Variants in NPEPPS observed in about 807,000 individuals in gnomAD.
NPEPPS encodes puromycin-sensitive aminopeptidase.
A neutral mutation model predicts 115.5 loss-of-function variants in NPEPPS; 14 were observed. The observed-to-expected ratio is 0.12, with a 90% CI of 0.08 to 0.19. NPEPPS has a LOEUF of 0.19. Among genes scored for constraint, NPEPPS ranks in the 10% least tolerant of loss-of-function variants. The pLI, the probability that NPEPPS is intolerant of heterozygous loss-of-function variation, is 1.00. For synonymous variants in NPEPPS, 285 were observed against 390.6 expected, an observed-to-expected ratio of 0.73 and a Z score of 3.19; for missense variants, 523 against 1,110.8, an observed-to-expected ratio of 0.47 and a Z score of 7.52.
At chr17:47,594,168 G>A (rs1437853036) in intron 12 of NPEPPS, among the ~76,000 whole-genome samples, 2 of 152,048 alleles carry the variant, frequency 1.3e-5, no homozygotes, top group Admixed American at 6.6e-5. Flanking sequence ...AAAATAAGGT[G>A]CTACACCTGA....
At chr17:47,581,619 A>G (rs1911880283) in intron 4 of NPEPPS, 1 of 151,784 alleles carries the variant, frequency 6.6e-6, no homozygotes, top group Admixed American at 6.6e-5. Flanking sequence ...TTATTCATTG[A>G]TAGAATTCAT....
At chr17:47,608,473 AAGTG>A (rs1305206742) in intron 17 of NPEPPS, among the ~76,000 whole-genome samples, 4 of 151,426 alleles carry the variant, frequency 2.6e-5, no homozygotes, top group African/African-American at 9.7e-5. Context: ...AAAAAAAAAA[AAGTG>A]AGGGGGTGGG....
chr17:47,526,460 A>G (rs1460534521), upstream of NPEPPS, among the ~76,000 whole-genome samples: 2 of 152,226 alleles, frequency 1.3e-5, no homozygotes, highest in African/African-American at 4.8e-5. Flanking sequence ...AAGAATGAGC[A>G]AGCTGTAAGG....
intron 12 of NPEPPS, among the ~76,000 whole-genome samples, chr17:47,595,308 C>T (rs544044428): frequency 6.2e-4 from 94 of 152,012 alleles, no homozygotes; most frequent in African/African-American, 2.0e-3. Context: ...TCAGGTGATC[C>T]GCCCGCTTTG....
intron 3 of NPEPPS, among the ~76,000 whole-genome samples, chr17:47,574,397 A>G (rs952619063): frequency 3.3e-5 from 5 of 152,016 alleles, no homozygotes; most frequent in African/African-American, 1.2e-4. Flanking sequence ...ATTTTTCATT[A>G]AATTTAAAAA....
intron 10 of NPEPPS, among the ~76,000 whole-genome samples, chr17:47,591,470 T>G (rs1293680399): frequency 1.3e-5 from 2 of 152,178 alleles, no homozygotes; most frequent in African/African-American, 4.8e-5. Context: ...CATATTTTAT[T>G]GTCAGGGTCT....
At chr17:47,607,201 GAAAA>G (rs1195775211) in intron 17 of NPEPPS, among the ~76,000 whole-genome samples, 14 of 151,910 alleles carry the variant, frequency 9.2e-5, no homozygotes, top group Admixed American at 9.2e-4. Context: ...CAAAAAAAAA[GAAAA>G]AGAAAGTCGT....
chr17:47,621,707 C>A, intron 22 of NPEPPS, 61 bp from the exon 23 acceptor site: 1 of 1,481,626 alleles, frequency 6.7e-7, no homozygotes, highest in Non-Finnish European at 9.2e-7. Context: ...TTTTTCATAA[C>A]CTGTAATATT....
chr17:47,566,603 G>C (rs1910834617), intron 2 of NPEPPS, among the ~76,000 whole-genome samples: 1 of 149,958 alleles, frequency 6.7e-6, no homozygotes, highest in Non-Finnish European at 1.5e-5. Context: ...AGGTTCAAGT[G>C]ATTCTCCTGC....
At chr17:47,594,519 T>A (rs1054987327) in intron 12 of NPEPPS, among the ~76,000 whole-genome samples, 1 of 151,688 alleles carries the variant, frequency 6.6e-6, no homozygotes, top group African/African-American at 2.4e-5. Flanking sequence ...CAAGTGATTC[T>A]CCTGCCTCAG....
At chr17:47,610,396 G>A (rs531802723) in intron 17 of NPEPPS, among the ~76,000 whole-genome samples, 1 of 148,150 alleles carries the variant, frequency 6.7e-6, no homozygotes, top group Admixed American at 6.7e-5. Flanking sequence ...TTTTTTTTTG[G>A]GGGGGGGTAA....
chr17:47,576,539 C>T (rs1211309919), intron 3 of NPEPPS, among the ~76,000 whole-genome samples: 1 of 152,104 alleles, frequency 6.6e-6, no homozygotes, highest in African/African-American at 2.4e-5. Context: ...CCTTTATTCC[C>T]TTTTTGTATA....
upstream of NPEPPS, among the ~76,000 whole-genome samples, chr17:47,528,776 C>T (rs557110092): frequency 6.6e-6 from 1 of 151,922 alleles, no homozygotes; most frequent in South Asian, 2.1e-4. Context: ...GCTAGGATTA[C>T]AGGCATGCGC....
At position 47,587,288 on chromosome 17, in the gene NPEPPS, G is replaced by T. The variant is rs1419229034; in HGVS notation, c.1039G>T (p.Ala347Ser). The T allele has an allele frequency of 6.2e-7, 1 of 1,610,116 alleles. No individual in the cohort carries two copies. The highest frequency in any genetic ancestry group is 1.3e-5 in the African/African-American group (1 of 74,336). Residue 347 changes from alanine (A) to serine (S), a missense_variant, in exon 9 of 23, where the codon GCT (alanine) becomes TCT (serine). Around this residue, in one of 4 missense-constraint regions of NPEPPS, gnomAD observed 144 missense variants for 512.4 expected, o/e 0.28. Transcript: ENST00000322157. ...NSCSSSRQWV[A>S]LVVGHELAHQ... is the part of the protein sequence containing the mutation. ...CTGTTCTTCATCCCGCCAGTGGGTT[G>T]CTCTGGTTGTGGGACATGAACTCGC... is the stretch of plus-strand genomic sequence containing the variant.
At chr17:47,615,502 A>T (rs1001447943) in intron 19 of NPEPPS, among the ~76,000 whole-genome samples, 20 of 152,056 alleles carry the variant, frequency 1.3e-4, no homozygotes, top group Admixed American at 1.2e-3. Context: ...GGCTGCAGGG[A>T]GCTATGATTG....
chr17:47,561,812 C>T (rs1416571001), intron 2 of NPEPPS, among the ~76,000 whole-genome samples: 2 of 152,216 alleles, frequency 1.3e-5, no homozygotes, highest in African/African-American at 4.8e-5. Context: ...GCATCCTGCC[C>T]TGTACTTGGG....
intron 1 of NPEPPS, among the ~76,000 whole-genome samples, chr17:47,532,605 C>T: frequency 6.8e-6 from 1 of 146,454 alleles, no homozygotes; most frequent in East Asian, 2.0e-4. Context: ...GAGTCGAGAT[C>T]GCGCCACTGC....
At chr17:47,535,411 C>T (rs1172420214) in intron 1 of NPEPPS, among the ~76,000 whole-genome samples, 9 of 150,884 alleles carry the variant, frequency 6.0e-5, no homozygotes, top group South Asian at 2.1e-4. Flanking sequence ...ATTAGCCGGG[C>T]GTGGTGGCGG....
intron 14 of NPEPPS, among the ~76,000 whole-genome samples, chr17:47,599,961 G>A (rs955515866): frequency 1.3e-5 from 2 of 152,002 alleles, no homozygotes; most frequent in Non-Finnish European, 2.9e-5. Flanking sequence ...GGGATTAACA[G>A]GAACATGCCA....
Sources: allele counts gnomAD v4.1 joint callset (sites outside exome capture counted in the v4.1 genomes callset), GRCh38; gene constraint gnomAD v4.1.1; regional missense constraint gnomAD v4.1.1; transcripts MANE v1.5; gene names NCBI Gene and HGNC (gene_info 2026-07-23, HGNC 2026-07-21).